The following EPC2 variants were observed in gnomAD, a reference collection of about 807,000 sequenced individuals.
EPC2 encodes the protein enhancer of polycomb homolog 2.
A neutral mutation model predicts 92.1 loss-of-function variants in EPC2; 14 were observed. The observed-to-expected ratio is 0.15, with a 90% confidence interval of 0.10 to 0.24. The LOEUF (loss-of-function observed/expected upper bound fraction) is 0.24, where lower values mean the gene tolerates loss of function less well. Among genes scored for constraint, EPC2 ranks in the 10% least tolerant of loss-of-function variants. EPC2 has a pLI of 1.00. For missense variants in EPC2, 755 were observed against 971.5 expected (o/e 0.78, Z 2.96); for synonymous variants, 340 against 334.7 (o/e 1.02, Z -0.17).
intron 2 of EPC2, among the ~76,000 whole-genome samples, chr2:148,696,382 A>G (rs951025716): frequency 6.6e-6 from 1 of 152,220 alleles, no homozygotes; most frequent in African/African-American, 2.4e-5. Context: ...TTTAAAGGAG[A>G]ACGCCCCTTC....
intron 1 of EPC2, among the ~76,000 whole-genome samples, chr2:148,675,302 G>A (rs921132287): frequency 2.6e-5 from 4 of 151,858 alleles, no homozygotes; most frequent in African/African-American, 9.7e-5. Context: ...TCAGATTTCA[G>A]GTGATTTTTA....
chr2:148,695,335 C>T (rs1479017265), intron 2 of EPC2, among the ~76,000 whole-genome samples: 1 of 152,164 alleles, frequency 6.6e-6, no homozygotes, highest in Non-Finnish European at 1.5e-5. Context: ...TGAAATGTAC[C>T]GTTTGTGTCT....
At chr2:148,766,521 G>C (rs1452181753) in intron 7 of EPC2, among the ~76,000 whole-genome samples, 1 of 152,148 alleles carries the variant, frequency 6.6e-6, no homozygotes, top group African/African-American at 2.4e-5. Flanking sequence ...GCAGAGCTTT[G>C]AATAGCCATG....
In EPC2 at chr2:148,784,749, T is replaced by C; in HGVS notation, c.2099T>C (p.Val700Ala). Reference sequence around the variant, plus strand: ...TCAGCTGTACAGCTTGTAAGGACAGTTGGCCACACCACTACAAACCACTTA... The same window carrying C: ...TCAGCTGTACAGCTTGTAAGGACAGCTGGCCACACCACTACAAACCACTTA... ...GISAVQLVRT[V>A]GHTTTNHLIP... Residue 700 changes from valine to alanine, a missense_variant, in exon 13 of 14, where the codon GTT becomes GCT. Physicochemically the swap from Val to Ala is moderately conservative, Grantham distance 64 (BLOSUM62 0). This residue lies in a region of EPC2 where 207 missense variants were observed against 260.5 expected (regional missense o/e 0.79). Transcript: ENST00000258484. 6.2e-7 allele frequency: 1 copy of C among 1,613,984 alleles called. No homozygotes were observed. The highest frequency in any genetic ancestry group is 8.5e-7 in the Non-Finnish European group (1 of 1,179,874).
At chr2:148,653,416 A>T (rs1221056434) in intron 1 of EPC2, among the ~76,000 whole-genome samples, 1 of 152,186 alleles carries the variant, frequency 6.6e-6, no homozygotes, top group Non-Finnish European at 1.5e-5. Flanking sequence ...TTTGATTTTA[A>T]CTTAAAGTTG....
At chr2:148,645,302 C>A (rs1252550522) in intron 1 of EPC2, 132 bp downstream of exon 1, 5 of 804,758 alleles carry the variant, frequency 6.2e-6, no homozygotes, top group African/African-American at 5.4e-5. Context: ...CGGGACTCTA[C>A]GCCGGCGGAG....
At chr2:148,678,630 AGCCGCT>A (rs1558806644) in intron 1 of EPC2, among the ~76,000 whole-genome samples, 1 of 152,234 alleles carries the variant, frequency 6.6e-6, no homozygotes, top group Non-Finnish European at 1.5e-5. Context: ...CAGCCTCCGC[AGCCGCT>A]GGCCCGGGTG....
chr2:148,773,379 T>A (rs932263770), intron 10 of EPC2, among the ~76,000 whole-genome samples: 1 of 152,088 alleles, frequency 6.6e-6, no homozygotes, highest in East Asian at 1.9e-4. Flanking sequence ...TAGAAAAAAA[T>A]AATCTTTTTG....
intron 3 of EPC2, among the ~76,000 whole-genome samples, chr2:148,747,119 A>T (rs1379672910): frequency 1.3e-5 from 2 of 152,024 alleles, no homozygotes; most frequent in African/African-American, 4.8e-5. Context: ...CCCTTATCTC[A>T]TTCCTAAACT....
intron 2 of EPC2, among the ~76,000 whole-genome samples, chr2:148,731,410 T>C (rs1682625250): frequency 6.7e-6 from 1 of 150,296 alleles, no homozygotes; most frequent in Non-Finnish European, 1.5e-5. Flanking sequence ...ATATTTAGGA[T>C]TTTTTTTTTG....
intron 1 of EPC2, among the ~76,000 whole-genome samples, chr2:148,658,391 G>T (rs1051742466): frequency 6.6e-6 from 1 of 152,014 alleles, no homozygotes; most frequent in Non-Finnish European, 1.5e-5. Context: ...ACATGAAAAG[G>T]ATGCTTGTTT....
chr2:148,712,627 C>T (rs1418133080), intron 2 of EPC2, among the ~76,000 whole-genome samples: 5 of 152,094 alleles, frequency 3.3e-5, no homozygotes, highest in African/African-American at 9.7e-5. Flanking sequence ...TGGTGGCTCA[C>T]GCCTGTAATC....
intron 7 of EPC2, among the ~76,000 whole-genome samples, chr2:148,766,524 T>G (rs78363908): frequency 0.025 from 3,830 of 152,306 alleles, 56 homozygotes; most frequent in East Asian, 0.032. Context: ...GAGCTTTGAA[T>G]AGCCATGGGA....
intron 1 of EPC2, among the ~76,000 whole-genome samples, chr2:148,666,245 A>G (rs1681053501): frequency 6.6e-6 from 1 of 152,186 alleles, no homozygotes; most frequent in African/African-American, 2.4e-5. Context: ...AGCTCAAGCC[A>G]TCTTCCTGCC....
At chr2:148,760,905 A>G (rs1193920426) in intron 4 of EPC2, among the ~76,000 whole-genome samples, 2 of 152,204 alleles carry the variant, frequency 1.3e-5, no homozygotes, top group East Asian at 3.8e-4. Context: ...AAATCAAGGC[A>G]TGAATGATTG....
intron 1 of EPC2, among the ~76,000 whole-genome samples, chr2:148,686,377 C>T (rs1315049571): frequency 6.6e-6 from 1 of 152,224 alleles, no homozygotes; most frequent in East Asian, 1.9e-4. Context: ...ATTTCCACTA[C>T]ATCTTCAGTT....
At position 148,771,154 on chromosome 2, in the gene EPC2, A is replaced by G; in HGVS notation, c.1487A>G (p.Asn496Ser). 1 of 1,613,970 alleles carries G rather than the reference A, an allele frequency of 6.2e-7. No homozygotes were observed. The highest frequency in any genetic ancestry group is 8.5e-7 in the Non-Finnish European group (1 of 1,179,872). ...SSSQTIDFSS[N>S]FSRTNASSKH... The stretch of plus-strand genomic sequence containing the variant: ...TCCCAAACTATAGACTTTTCTTCTA[A>G]TTTCTCTCGGACCAATGCTTCCAGT... The change falls in exon 10 of 14, where the codon AAT becomes AGT. Residue 496 changes from asparagine to serine, a missense_variant. Coordinates refer to ENST00000258484, the MANE Select transcript of EPC2 (RefSeq NM_015630.4).
At chr2:148,649,407 C>T (rs896087306) in intron 1 of EPC2, among the ~76,000 whole-genome samples, 1 of 152,176 alleles carries the variant, frequency 6.6e-6, no homozygotes, top group Non-Finnish European at 1.5e-5. Flanking sequence ...GATTAGGTTG[C>T]CTTTTCTACA....
intron 1 of EPC2, among the ~76,000 whole-genome samples, chr2:148,647,955 CTT>C (rs1463675854): frequency 6.6e-6 from 1 of 152,158 alleles, no homozygotes; most frequent in Non-Finnish European, 1.5e-5. Context: ...TTTATTAGCT[CTT>C]TTAGAAAGAA....
Sources: allele counts gnomAD v4.1 joint callset (sites outside exome capture counted in the v4.1 genomes callset), GRCh38; gene constraint gnomAD v4.1.1; regional missense constraint gnomAD v4.1.1; transcripts MANE v1.5; gene names NCBI Gene and HGNC (gene_info 2026-07-23, HGNC 2026-07-21).